The following NECAB1 variants were observed in gnomAD, a reference collection of about 807,000 sequenced individuals.
The protein encoded by NECAB1 is N-terminal EF-hand calcium-binding protein 1.
NECAB1 carries 29 observed loss-of-function variants against 57.5 expected under a neutral mutation model. The observed-to-expected ratio is 0.50, with a 90% CI of 0.38 to 0.69. NECAB1 has a LOEUF of 0.69. Among genes scored for constraint, NECAB1 ranks in the 30% least tolerant of loss-of-function variants. The pLI is 0.00. For synonymous variants in NECAB1, 142 were observed against 147.7 expected, an observed-to-expected ratio of 0.96 and a Z score of 0.28; for missense variants, 372 against 413.8, an observed-to-expected ratio of 0.90 and a Z score of 0.88.
chr8:90,938,254 T>A (rs551893018), intron 9 of NECAB1, among the ~76,000 whole-genome samples: 1 of 152,200 alleles, frequency 6.6e-6, no homozygotes, highest in Non-Finnish European at 1.5e-5. Flanking sequence ...TATCCAGCCA[T>A]ACTTCTATTG....
In NECAB1 at chr8:90,856,806, C is replaced by T. The variant is rs142223115; in HGVS notation, c.234-15322C>T. Among the ~76,000 whole-genome samples the T allele has an allele frequency of 1.5e-3, 229 of 152,306 alleles. 2 individuals carry two copies. The highest frequency in any genetic ancestry group is 3.2e-3 in the African/African-American group (133 of 41,568). ...AAAGTGCAGCACTTGCTACCATGCA[C>T]GTATCAAGGTAGCTTAGTAAAACTG... On this transcript the variant is annotated intron_variant, in intron 3 of 12. Transcript: ENST00000417640.
rs553347010 is a variant in NECAB1, at chr8:90,938,935, T to C, written c.748-1851T>C. Among the ~76,000 whole-genome samples, 13 of 152,314 alleles carry C rather than the reference T, an allele frequency of 8.5e-5. No homozygotes were observed. In the South Asian group the frequency reaches 2.7e-3, roughly 32 times the overall value. On this transcript the variant is annotated intron_variant, in intron 9 of 12. Transcript: ENST00000417640. ...TGGGCTCCTTGTATCTCTAGTAAGC[T>C]GTATGTTAGCTTTGCTGATCTTGGC...
chr8:90,892,978 G>T (rs954881459), intron 5 of NECAB1, among the ~76,000 whole-genome samples: 6 of 152,122 alleles, frequency 3.9e-5, no homozygotes, highest in African/African-American at 1.4e-4. Flanking sequence ...CTTACCAGAT[G>T]ATTTTCTCTC....
intron 9 of NECAB1, among the ~76,000 whole-genome samples, chr8:90,936,361 ATCC>A: frequency 6.6e-6 from 1 of 152,294 alleles, no homozygotes; most frequent in East Asian, 1.9e-4. Flanking sequence ...ATCTTTACTG[ATCC>A]TTTGCTATGT....
chr8:90,863,064 C>T (rs1164626734), intron 3 of NECAB1, among the ~76,000 whole-genome samples: 2 of 152,078 alleles, frequency 1.3e-5, no homozygotes, highest in Non-Finnish European at 2.9e-5. Context: ...CCATCTCAAG[C>T]GCTTGAATGG....
chr8:90,944,576 T>C (rs1810754781), intron 10 of NECAB1, among the ~76,000 whole-genome samples: 1 of 152,244 alleles, frequency 6.6e-6, no homozygotes, highest in South Asian at 2.1e-4. Flanking sequence ...GTACACGGTA[T>C]GTTCTCAGAA....
intron 5 of NECAB1, among the ~76,000 whole-genome samples, chr8:90,892,422 T>C (rs774597517): frequency 4.6e-5 from 7 of 152,242 alleles, no homozygotes; most frequent in Non-Finnish European, 7.3e-5. Context: ...GTATCACATC[T>C]ATCAAATTTT....
intron 5 of NECAB1, among the ~76,000 whole-genome samples, chr8:90,917,130 T>C (rs1450227327): frequency 1.3e-5 from 2 of 152,160 alleles, no homozygotes; most frequent in Admixed American, 1.3e-4. Flanking sequence ...AAATGAGACA[T>C]AGAACAAACC....
At chr8:90,844,379 TA>T (rs1420087415) in intron 3 of NECAB1, among the ~76,000 whole-genome samples, 2 of 152,180 alleles carry the variant, frequency 1.3e-5, no homozygotes, top group African/African-American at 4.8e-5. Flanking sequence ...TCTCAGATCC[TA>T]AGGGTCCCTA....
chr8:90,797,369 T>G (rs898935796), intron 1 of NECAB1, among the ~76,000 whole-genome samples: 4 of 152,366 alleles, frequency 2.6e-5, no homozygotes, highest in Admixed American at 6.5e-5. Context: ...AAACACATTG[T>G]GGCAATGATT....
At chr8:90,827,855 G>T (rs1812248699) in intron 3 of NECAB1, among the ~76,000 whole-genome samples, 1 of 151,658 alleles carries the variant, frequency 6.6e-6, no homozygotes, top group South Asian at 2.1e-4. Flanking sequence ...CATTAAAAAA[G>T]CATCATGTAA....
chr8:90,849,018 C>T (rs1229333956), intron 3 of NECAB1, among the ~76,000 whole-genome samples: 6 of 152,126 alleles, frequency 3.9e-5, no homozygotes, highest in Admixed American at 1.3e-4. Flanking sequence ...CACACAAAAA[C>T]CCACCCCCAA....
intron 1 of NECAB1, among the ~76,000 whole-genome samples, chr8:90,801,048 T>C (rs1187283951): frequency 6.6e-6 from 1 of 152,230 alleles, no homozygotes; most frequent in Non-Finnish European, 1.5e-5. Context: ...CATAGACATG[T>C]GGTTACTCTT....
At chr8:90,907,147 TGTGTGAGA>T (rs1446891196) in intron 5 of NECAB1, among the ~76,000 whole-genome samples, 2 of 106,568 alleles carry the variant, frequency 1.9e-5, no homozygotes, top group African/African-American at 8.7e-5. Flanking sequence ...TGTGTGTGTG[TGTGTGAGA>T]GAGAGAGAGA....
At chr8:90,827,919 GATAA>G (rs1305567647) in intron 3 of NECAB1, among the ~76,000 whole-genome samples, 1 of 151,770 alleles carries the variant, frequency 6.6e-6, no homozygotes, top group African/African-American at 2.4e-5. Flanking sequence ...ATGAACAAAT[GATAA>G]ATATAGAGTA....
At chr8:90,892,268 T>A (rs902503624) in intron 5 of NECAB1, among the ~76,000 whole-genome samples, 4 of 151,936 alleles carry the variant, frequency 2.6e-5, no homozygotes, top group African/African-American at 4.9e-5. Flanking sequence ...ATACATAGGT[T>A]TTTTCTCTAT....
intron 6 of NECAB1, among the ~76,000 whole-genome samples, chr8:90,921,186 T>A (rs1362304222): frequency 1.3e-5 from 2 of 152,082 alleles, no homozygotes; most frequent in Non-Finnish European, 2.9e-5. Context: ...CCAGCTAATT[T>A]TTGTATTTTT....
intron 5 of NECAB1, among the ~76,000 whole-genome samples, chr8:90,906,735 T>G (rs1334002796): frequency 2.0e-5 from 3 of 151,800 alleles, no homozygotes; most frequent in African/African-American, 7.3e-5. Context: ...TTTTGTTTAA[T>G]GTAAATATTA....
intron 1 of NECAB1, among the ~76,000 whole-genome samples, chr8:90,800,737 C>G (rs1356101175): frequency 6.6e-6 from 1 of 152,128 alleles, no homozygotes; most frequent in Middle Eastern, 3.2e-3. Context: ...AAGAGTATGT[C>G]TCTCTCCTAA....
Sources: allele counts gnomAD v4.1 joint callset (sites outside exome capture counted in the v4.1 genomes callset), GRCh38; gene constraint gnomAD v4.1.1; transcripts MANE v1.5; gene names NCBI Gene and HGNC (gene_info 2026-07-23, HGNC 2026-07-21).